CNIH3: variants seen among roughly 807,000 people sequenced by gnomAD.
CNIH3 encodes protein cornichon homolog 3.
In CNIH3, 14 loss-of-function variants were observed where a neutral mutation model predicts 24.1. The observed-to-expected ratio is 0.58, with a 90% CI of 0.38 to 0.91. CNIH3 has a LOEUF of 0.91. Ranked by LOEUF, CNIH3 falls within the 40% of genes least tolerant of loss-of-function variation. The pLI is 0.00. For missense variants in CNIH3, 178 were observed against 196.8 expected, an observed-to-expected ratio of 0.90 and a Z score of 0.57; for synonymous variants, 68 against 73.8, an observed-to-expected ratio of 0.92 and a Z score of 0.40.
intron 2 of CNIH3, among the ~76,000 whole-genome samples, chr1:224,534,032 G>T (rs1274106670): frequency 1.3e-5 from 2 of 152,292 alleles, no homozygotes; most frequent in South Asian, 4.2e-4. Flanking sequence ...GGGCATGGTG[G>T]CACATGCCTG....
At chr1:224,691,423 C>T (rs1464688735) in intron 3 of CNIH3, among the ~76,000 whole-genome samples, 2 of 152,196 alleles carry the variant, frequency 1.3e-5, no homozygotes, top group African/African-American at 2.4e-5. Flanking sequence ...AGTGGGCAGG[C>T]GTGGGAGTGT....
At chr1:224,626,762 C>T (rs1337457799) in intron 1 of CNIH3, among the ~76,000 whole-genome samples, 1 of 152,186 alleles carries the variant, frequency 6.6e-6, no homozygotes, top group African/African-American at 2.4e-5. Flanking sequence ...CCCACAACTC[C>T]CCATCTCACA....
intron 2 of CNIH3, among the ~76,000 whole-genome samples, chr1:224,528,825 C>T (rs1449819688): frequency 1.3e-5 from 2 of 152,146 alleles, no homozygotes; most frequent in Admixed American, 1.3e-4. Context: ...TTGACAATGT[C>T]CCATGTGGAG....
chr1:224,729,147 G>A (rs557322005), intron 3 of CNIH3, among the ~76,000 whole-genome samples: 3 of 152,060 alleles, frequency 2.0e-5, no homozygotes, highest in South Asian at 4.2e-4. Flanking sequence ...ACGGTGGCTC[G>A]TACCTGTAAT....
At chr1:224,568,816 T>C (rs1680693922) in intron 4 of CNIH3, among the ~76,000 whole-genome samples, 4 of 152,220 alleles carry the variant, frequency 2.6e-5, no homozygotes, top group Admixed American at 1.3e-4. Flanking sequence ...TTGGATGCCC[T>C]GTAGAATCTG....
intron 3 of CNIH3, among the ~76,000 whole-genome samples, chr1:224,601,007 TTGAC>T (rs1311303228): frequency 6.6e-6 from 1 of 152,164 alleles, no homozygotes; most frequent in Non-Finnish European, 1.5e-5. Flanking sequence ...AAGAGATAAT[TTGAC>T]TGAGAGGCAT....
At chr1:224,642,838 A>G (rs1684424435) in intron 1 of CNIH3, among the ~76,000 whole-genome samples, 1 of 152,238 alleles carries the variant, frequency 6.6e-6, no homozygotes, top group African/African-American at 2.4e-5. Context: ...CTCTGCATCG[A>G]AAGCATGGTC....
At chr1:224,573,316 A>T (rs1396241337) in intron 4 of CNIH3, among the ~76,000 whole-genome samples, 1 of 152,098 alleles carries the variant, frequency 6.6e-6, no homozygotes. Flanking sequence ...CCTCAGGAAG[A>T]GAGTATGTAG....
At chr1:224,595,311 G>T (rs995680971) in intron 3 of CNIH3, among the ~76,000 whole-genome samples, 15 of 152,176 alleles carry the variant, frequency 9.9e-5, no homozygotes, top group African/African-American at 3.6e-4. Flanking sequence ...CTCCCAGGGT[G>T]CTGGGATTAC....
chr1:224,540,409 G>A (rs1679468672), downstream of CNIH3, among the ~76,000 whole-genome samples: 1 of 152,188 alleles, frequency 6.6e-6, no homozygotes, highest in African/African-American at 2.4e-5. Flanking sequence ...ATGTAGTTGT[G>A]AGGATGAGTT....
In CNIH3 at chr1:224,544,680, C is replaced by A. The variant is rs1161558315; in HGVS notation, n.340-2149C>A. 3.3e-5 allele frequency among the ~76,000 whole-genome samples: 5 copies of A among 152,316 alleles called. No individual in the cohort carries two copies. The East Asian group carries it at 9.7e-4, about 29-fold the overall frequency. On this transcript the variant is annotated intron_variant and non_coding_transcript_variant, in intron 2 of 5. Transcript: ENST00000471578. ...ACCAGAGCCCATGACCGCTGTGCTG[C>A]TGAGGCTGCTGCTGATGGAACTTGA...
At chr1:224,517,342 C>G (rs905873282) in intron 1 of CNIH3, among the ~76,000 whole-genome samples, 1 of 152,120 alleles carries the variant, frequency 6.6e-6, no homozygotes, top group Non-Finnish European at 1.5e-5. Context: ...TCTGATTACA[C>G]ACAGCATTTT....
chr1:224,730,538 G>A lies in CNIH3; in HGVS notation c.275G>A (p.Gly92Glu). ...FLCAQEWLTL[G>E]LNVPLLFYHF... ...TGTGCGCAAGAGTGGCTCACGCTGG[G>A]GCTGAATGTCCCTCTACTTTTCTAT... Residue 92 changes from glycine to glutamate, a missense_variant, in exon 4 of 6, where the codon GGG (glycine) becomes GAG (glutamate). Physicochemically the swap from Gly to Glu is moderately conservative, Grantham distance 98. Transcript: ENST00000272133. The A allele has an allele frequency of 1.3e-6, 2 of 1,559,148 alleles. No homozygotes were observed. The highest frequency in any genetic ancestry group is 1.7e-6 in the Non-Finnish European group (2 of 1,150,192).
intron 1 of CNIH3, among the ~76,000 whole-genome samples, chr1:224,660,487 C>T (rs750342696): frequency 6.6e-6 from 1 of 151,948 alleles, no homozygotes; most frequent in Admixed American, 6.5e-5. Flanking sequence ...AAGAACACAT[C>T]TTCTTTGGCA....
intron 3 of CNIH3, among the ~76,000 whole-genome samples, chr1:224,551,555 G>A (rs927625394): frequency 2.0e-5 from 3 of 152,062 alleles, no homozygotes; most frequent in Admixed American, 6.6e-5. Flanking sequence ...AACATTGGGT[G>A]TAACACCTGG....
intron 1 of CNIH3, among the ~76,000 whole-genome samples, chr1:224,628,444 C>G (rs1372114597): frequency 6.6e-6 from 1 of 152,098 alleles, no homozygotes; most frequent in Non-Finnish European, 1.5e-5. Context: ...TCCCCATTCT[C>G]TCCTCCCCAA....
intron 3 of CNIH3, among the ~76,000 whole-genome samples, chr1:224,705,850 CT>C (rs61128987): frequency 2.2e-5 from 2 of 90,226 alleles, no homozygotes; most frequent in Middle Eastern, 7.7e-3. Flanking sequence ...TCTTTCTTTT[CT>C]TTTTTTTCTT....
At chr1:224,668,627 T>C (rs889646353) in intron 1 of CNIH3, among the ~76,000 whole-genome samples, 2 of 152,052 alleles carry the variant, frequency 1.3e-5, no homozygotes, top group African/African-American at 2.4e-5. Context: ...GAGGCCTAGG[T>C]GTCAGAGAAG....
At chr1:224,446,787 G>T (rs896344188) in intron 1 of CNIH3, among the ~76,000 whole-genome samples, 3 of 152,130 alleles carry the variant, frequency 2.0e-5, no homozygotes, top group Non-Finnish European at 2.9e-5. Flanking sequence ...GGGAAGAGGG[G>T]GATTCAAAGA....
Sources: gnomAD v4.1 joint callset for allele counts (sites outside exome capture counted in the v4.1 genomes callset) on GRCh38, gnomAD v4.1.1 for gene constraint, MANE v1.5 for transcripts, NCBI Gene and HGNC (gene_info 2026-07-23, HGNC 2026-07-21) for gene names.